Variants in ING3 observed in about 807,000 individuals in gnomAD.
ING3 encodes the protein inhibitor of growth family member 3.
ING3 carries 6 observed loss-of-function variants against 64.8 expected under a neutral mutation model. The ratio of observed to expected loss-of-function variants is 0.09; its 90% CI spans 0.05 to 0.18. ING3 has a LOEUF of 0.18. Ranked by LOEUF, ING3 falls within the 10% of genes least tolerant of loss-of-function variation. The pLI is 1.00. For synonymous variants in ING3, 170 were observed against 173.7 expected (o/e 0.98, Z 0.17); for missense variants, 310 against 489.7 (o/e 0.63, Z 3.46).
chr7:120,960,980 C>T (rs1438407065), intron 4 of ING3, among the ~76,000 whole-genome samples: 1 of 152,128 alleles, frequency 6.6e-6, no homozygotes, highest in Non-Finnish European at 1.5e-5. Context: ...TTGCAGTGCT[C>T]AATACCCTTG....
In ING3 at chr7:120,976,531, G is replaced by A. The variant is rs1796137351; in HGVS notation, c.*1687G>A. ...GATTTCATGATACTCAATATTTTGA[G>A]ATTTTATAACCCTTTAAGAAGTGAT... On this transcript the variant is annotated 3_prime_UTR_variant, in exon 12 of 12. Transcript: ENST00000315870. The A allele has an allele frequency of 6.6e-6, 1 of 151,826 alleles. No individual in the cohort carries two copies. The highest frequency in any genetic ancestry group is 2.4e-5 in the African/African-American group (1 of 41,150). 9.4% of individuals were successfully genotyped at this position (151,826 alleles called of 1,614,324 possible).
At chr7:120,954,500 A>G (rs144383561) in intron 3 of ING3, among the ~76,000 whole-genome samples, 168 of 152,150 alleles carry the variant, frequency 1.1e-3, no homozygotes, top group African/African-American at 3.8e-3. Flanking sequence ...CTGTTATGAT[A>G]TGTTATTTAT....
At chr7:120,969,275 C>G in intron 9 of ING3, 71 bp downstream of exon 9, 1 of 1,217,570 alleles carries the variant, frequency 8.2e-7, no homozygotes, top group Non-Finnish European at 1.2e-6. Context: ...TCAGCCAGGC[C>G]TCTCTATGTT....
chr7:120,951,131 C>T (rs545429239), intron 1 of ING3, 33 bp from the exon 2 acceptor site: 2 of 1,610,268 alleles, frequency 1.2e-6, no homozygotes, highest in South Asian at 1.1e-5. Context: ...TCGCCGTTGG[C>T]CCCGCCCCTC....
chr7:120,951,037 C>T (rs1314083815), intron 1 of ING3, 113 bp downstream of exon 1: 6 of 1,511,550 alleles, frequency 4.0e-6, no homozygotes, highest in Non-Finnish European at 4.6e-6. Flanking sequence ...ATGTTTCTTT[C>T]TCACGGTAAC....
At position 120,956,620 on chromosome 7, in the gene ING3, A is replaced by T. The variant is rs996718213; in HGVS notation, c.267+996A>T. ...TGTTCATAGAGTTATTCTGAAAAAA[A>T]TTTCATAAAAGACACTGCCTAAAGA... On this transcript the variant is annotated intron_variant, in intron 4 of 11. Transcript: ENST00000315870. The T allele has an allele frequency of 6.1e-6, 6 of 988,064 alleles. No homozygotes were observed. In the African/African-American group the frequency reaches 8.7e-5, roughly 14 times the overall value. 61.2% of individuals were successfully genotyped at this position (988,064 alleles called of 1,614,324 possible).
chr7:120,961,691 A>G (rs1461618241), intron 4 of ING3, among the ~76,000 whole-genome samples: 1 of 152,242 alleles, frequency 6.6e-6, no homozygotes, highest in Non-Finnish European at 1.5e-5. Context: ...GTGTGTTAAC[A>G]AGTAATGTTG....
chr7:120,962,329 C>G (rs1224972601), intron 4 of ING3, among the ~76,000 whole-genome samples: 1 of 151,952 alleles, frequency 6.6e-6, no homozygotes, highest in South Asian at 2.1e-4. Flanking sequence ...TGGAAGCCGT[C>G]TTATAAAGAT....
chr7:120,964,026 CA>C (rs1354651168), intron 4 of ING3, among the ~76,000 whole-genome samples: 2 of 151,928 alleles, frequency 1.3e-5, no homozygotes, highest in African/African-American at 4.8e-5. Flanking sequence ...TACATTAAGA[CA>C]TTTTTTGTTA....
At chr7:120,966,499 A>G (rs1795998725) in intron 5 of ING3, 127 bp from the exon 6 acceptor site, 1 of 771,962 alleles carries the variant, frequency 1.3e-6, no homozygotes, top group Non-Finnish European at 2.4e-6. Context: ...AAATAAATAC[A>G]GGCATATGCA....
Position 120,976,604 on chromosome 7 carries a change from TGCTC to T in ING3, c.*1761_*1764del, listed in dbSNP as rs1796138464. On this transcript the variant is annotated 3_prime_UTR_variant, in exon 12 of 12. Coordinates refer to ENST00000315870, the MANE Select transcript of ING3 (RefSeq NM_019071.3). ...TTTATCAAAGTATATTGCCTGGAAA[TGCTC>T]ACATGTATCATTTACATCCTCTATA... The T allele has an allele frequency of 6.6e-6, 1 of 152,216 alleles. No individual in the cohort carries two copies. The highest frequency in any genetic ancestry group is 2.4e-5 in the African/African-American group (1 of 41,456). 9.4% of individuals were successfully genotyped at this position (152,216 alleles called of 1,614,324 possible). A position where few individuals can be genotyped will look rare whatever the true frequency, so the allele number is the denominator to read the frequency against.
At chr7:120,959,937 A>C (rs1207475929) in intron 4 of ING3, among the ~76,000 whole-genome samples, 3 of 151,884 alleles carry the variant, frequency 2.0e-5, no homozygotes, top group African/African-American at 7.3e-5. Context: ...GAGCCACCAC[A>C]CCTGGCCTGG....
At chr7:120,970,231 C>G in intron 9 of ING3, among the ~76,000 whole-genome samples, 1 of 152,016 alleles carries the variant, frequency 6.6e-6, no homozygotes. Context: ...TTTGGGAGGC[C>G]GAGGTGGGCA....
intron 4 of ING3, among the ~76,000 whole-genome samples, chr7:120,960,859 AT>A (rs1223457392): frequency 6.6e-6 from 1 of 152,210 alleles, no homozygotes; most frequent in Non-Finnish European, 1.5e-5. Context: ...TCTCAGCCAG[AT>A]GTCACTGTCA....
chr7:120,954,039 T>C (rs534056923), intron 3 of ING3, among the ~76,000 whole-genome samples: 2 of 152,310 alleles, frequency 1.3e-5, no homozygotes, highest in Admixed American at 1.3e-4. Flanking sequence ...TTGAGTTTGG[T>C]CATGATTCTG....
intron 4 of ING3, among the ~76,000 whole-genome samples, chr7:120,960,952 A>C (rs995562254): frequency 3.3e-5 from 5 of 152,158 alleles, no homozygotes; most frequent in Non-Finnish European, 5.9e-5. Flanking sequence ...TTAATGCTTG[A>C]ATGATTTTAG....
At chr7:120,968,758 A>G (rs565030675) in intron 8 of ING3, among the ~76,000 whole-genome samples, 286 of 147,318 alleles carry the variant, frequency 1.9e-3, no homozygotes, top group Non-Finnish European at 2.9e-3. Context: ...TGGCAGGAGA[A>G]TTGCTTGAAC....
At chr7:120,973,025 T>G (rs1425725095) in intron 10 of ING3, among the ~76,000 whole-genome samples, 180 bp from the exon 11 acceptor site, 1 of 144,136 alleles carries the variant, frequency 6.9e-6, no homozygotes, top group Non-Finnish European at 1.5e-5. Context: ...CTTCCCACCC[T>G]TGCCCCACCC....
chr7:120,967,619 C>T lies in ING3; in HGVS notation c.527C>T (p.Thr176Met), dbSNP rs753736819. 1.2e-5 allele frequency: 20 copies of T among 1,604,302 alleles called. No individual in the cohort carries two copies. The highest frequency in any genetic ancestry group is 3.4e-5 in the Admixed American group (2 of 58,482). The change falls in exon 7 of 12, where the codon ACG (threonine) becomes ATG (methionine). Residue 176 changes from threonine (T) to methionine (M), a missense_variant. This residue lies in a region of ING3 where 233 missense variants were observed against 289.4 expected (regional missense o/e 0.81). Coordinates refer to ENST00000315870, the MANE Select transcript of ING3 (RefSeq NM_019071.3). ...TCTGAAGCTCTTCTATCCACCCTTA[C>T]GTCAGATGCCTCTAAGGAAAATACA... ...FKSEALLSTL[T>M]SDASKENTLG... is the part of the protein sequence containing the mutation.
Sources: allele counts gnomAD v4.1 joint callset (sites outside exome capture counted in the v4.1 genomes callset), GRCh38; gene constraint gnomAD v4.1.1; regional missense constraint gnomAD v4.1.1; transcripts MANE v1.5; gene names NCBI Gene and HGNC (gene_info 2026-07-23, HGNC 2026-07-21).